Variants in IREB2 observed in about 807,000 individuals in gnomAD.
The protein encoded by IREB2 is iron-responsive element-binding protein 2.
Under a neutral mutation model 118.8 loss-of-function variants are expected in IREB2, and 39 were observed. The ratio of observed to expected loss-of-function variants is 0.33; its 90% CI spans 0.25 to 0.43. The LOEUF (loss-of-function observed/expected upper bound fraction) is 0.43, where lower values mean the gene tolerates loss of function less well. Among genes scored for constraint, IREB2 ranks in the 20% least tolerant of loss-of-function variants. IREB2 has a pLI of 1.00. For synonymous variants in IREB2, 372 were observed against 392.2 expected, an observed-to-expected ratio of 0.95 and a Z score of 0.61; for missense variants, 900 against 1,147.3, an observed-to-expected ratio of 0.78 and a Z score of 3.11.
At chr15:78,468,059 G>A (rs1415368711) in intron 5 of IREB2, among the ~76,000 whole-genome samples, 2 of 152,042 alleles carry the variant, frequency 1.3e-5, no homozygotes, top group African/African-American at 4.8e-5. Flanking sequence ...TCACTGTGTT[G>A]CCCAGACTGG....
At chr15:78,451,948 C>T (rs958802095) in intron 2 of IREB2, among the ~76,000 whole-genome samples, 1 of 152,144 alleles carries the variant, frequency 6.6e-6, no homozygotes, top group Non-Finnish European at 1.5e-5. Flanking sequence ...CAGGAGTGAG[C>T]CACCACACCT....
At chr15:78,493,269 C>G (rs1250679907) in intron 18 of IREB2, among the ~76,000 whole-genome samples, 1 of 152,118 alleles carries the variant, frequency 6.6e-6, no homozygotes, top group Non-Finnish European at 1.5e-5. Flanking sequence ...AGATGTGGGA[C>G]TGGTTCCAGG....
chr15:78,487,847 A>G (rs762766334), intron 14 of IREB2, 30 bp downstream of exon 14: 13 of 1,286,548 alleles, frequency 1.0e-5, no homozygotes, highest in East Asian at 9.3e-5. Context: ...AAGACATCTA[A>G]ATGATTTTCT....
chr15:78,460,758 A>G (rs534965761), intron 2 of IREB2, among the ~76,000 whole-genome samples: 1 of 152,314 alleles, frequency 6.6e-6, no homozygotes, highest in East Asian at 1.9e-4. Flanking sequence ...GAGAAAAATA[A>G]ATCATGAGTT....
In IREB2 at chr15:78,444,555, C is replaced by G. The variant is rs1052703218; in HGVS notation, c.106+4674C>G. ...GCTTAGTCCTCCAGTAGAGCCGGGA[C>G]TTAGTGTCCAAATCCTACCTTGCAG... On this transcript the variant is annotated intron_variant, in intron 2 of 21. Coordinates refer to ENST00000258886, the MANE Select transcript of IREB2 (RefSeq NM_004136.4). Among the ~76,000 whole-genome samples the G allele has an allele frequency of 2.0e-5, 3 of 152,022 alleles. No individual in the cohort carries two copies. In the South Asian group the frequency reaches 6.2e-4, roughly 32 times the overall value.
chr15:78,437,974 C>T (rs2050777841), upstream of IREB2, among the ~76,000 whole-genome samples: 1 of 152,228 alleles, frequency 6.6e-6, no homozygotes, highest in African/African-American at 2.4e-5. Flanking sequence ...AACTTAAGGC[C>T]GCAACTAAGT....
rs140718808 is a variant in IREB2, at chr15:78,472,179, T to C, written c.883+255T>C. 4.8e-4 allele frequency among the ~76,000 whole-genome samples: 73 copies of C among 152,330 alleles called. 2 individuals carry two copies. In the East Asian group the frequency reaches 0.014, roughly 28 times the overall value. On this transcript the variant is annotated intron_variant, in intron 7 of 21. Transcript: ENST00000258886. ...AAGTAATTGAATAATTGAATGATGATGATGATACGTCTACAAAGTTTGCTT... is the reference window on the plus strand; with the variant it reads ...AAGTAATTGAATAATTGAATGATGACGATGATACGTCTACAAAGTTTGCTT...
rs1318383757 is a variant in IREB2 at position 78,465,348 on chromosome 15, C to A, written c.370C>A (p.Leu124Ile). 2.5e-6 allele frequency: 4 copies of A among 1,613,460 alleles called. No homozygotes were observed. The highest frequency in any genetic ancestry group is 3.4e-6 in the Non-Finnish European group (4 of 1,179,736). The change falls in exon 4 of 22, where the codon CTT becomes ATT. Residue 124 changes from leucine (L) to isoleucine (I), a missense_variant. Physicochemically the swap from Leu to Ile is conservative, Grantham distance 5. Transcript: ENST00000258886. ...EKVHPACPTD[L>I]TVDHSLQIDF... ...AGTCCATCCTGCTTGTCCGACAGAT[C>A]TTACAGTTGACCATTCTTTACAAAT...
intron 13 of IREB2, among the ~76,000 whole-genome samples, 160 bp from the exon 14 acceptor site, chr15:78,487,573 C>G (rs1167027950): frequency 6.6e-6 from 1 of 152,168 alleles, no homozygotes; most frequent in East Asian, 1.9e-4. Context: ...CTTGATTGCT[C>G]AGAATCTTCT....
Position 78,438,218 on chromosome 15 carries a change from G to A in IREB2, c.-120G>A. ...TGCTGCTCTCGCGATATTTGCGCGA[G>A]CCTGCTTCCTTCTTTCCTCCCTTGC... On this transcript the variant is annotated 5_prime_UTR_variant, in exon 1 of 22. Transcript: ENST00000258886. 1 of 783,332 alleles carries A rather than the reference G, an allele frequency of 1.3e-6. No individual in the cohort carries two copies. The highest frequency in any genetic ancestry group is 1.5e-5 in the South Asian group (1 of 66,594). The allele number at this position is 783,332 out of a possible 1,614,324, so 48.5% of individuals were successfully genotyped here. A position where few individuals can be genotyped will look rare whatever the true frequency, so the allele number is the denominator to read the frequency against.
At position 78,487,784 on chromosome 15, in the gene IREB2, C is replaced by T; in HGVS notation, c.1761C>T (p.Pro587=). The change falls in exon 14 of 22, where the codon CCC becomes CCT. Residue 587 remains proline (P), a synonymous_variant. Coordinates refer to ENST00000258886, the MANE Select transcript of IREB2 (RefSeq NM_004136.4). ...CAATTTGTGTGGGAAATACAGCACC[C>T]TTATCAGACGCAGTTTTAAATGCAG... The part of the protein sequence containing the change: ...GCSICVGNTA[P]LSDAVLNAVK... The T allele has an allele frequency of 1.9e-6, 3 of 1,607,976 alleles. No individual in the cohort carries two copies. Among genetic ancestry groups the T allele is most frequent in the East Asian group, 2.2e-5 (1 of 44,798 alleles).
chr15:78,439,695 A>T (rs1379492180), intron 1 of IREB2, 100 bp from the exon 2 acceptor site: 18 of 671,866 alleles, frequency 2.7e-5, no homozygotes. Flanking sequence ...TATTTTTACC[A>T]TTGCAGAAAA....
intron 2 of IREB2, among the ~76,000 whole-genome samples, chr15:78,443,991 C>G (rs2050886962): frequency 6.6e-6 from 1 of 152,080 alleles, no homozygotes; most frequent in Non-Finnish European, 1.5e-5. Context: ...CTGTCTGGCA[C>G]TCCCAATGTG....
chr15:78,486,358 G>C (rs981598671), intron 13 of IREB2, among the ~76,000 whole-genome samples: 5 of 152,172 alleles, frequency 3.3e-5, no homozygotes, highest in African/African-American at 1.2e-4. Flanking sequence ...TGTAATCCCA[G>C]CACTTGGGGA....
intron 8 of IREB2, 149 bp downstream of exon 8, chr15:78,473,530 CAACA>C: frequency 3.2e-6 from 2 of 618,570 alleles, no homozygotes; most frequent in South Asian, 4.1e-5. Flanking sequence ...ATAGTAATAA[CAACA>C]AACAGAGCAT....
At chr15:78,472,055 C>A in intron 7 of IREB2, 131 bp downstream of exon 7, 1 of 607,560 alleles carries the variant, frequency 1.6e-6, no homozygotes, top group Admixed American at 3.6e-5. Flanking sequence ...ATAACAGCAG[C>A]AACAACAAAA....
intron 5 of IREB2, among the ~76,000 whole-genome samples, chr15:78,469,514 G>C (rs527731365): frequency 2.6e-5 from 4 of 151,816 alleles, no homozygotes; most frequent in African/African-American, 9.7e-5. Context: ...ACCTGAGATC[G>C]GGAGTTTGAG....
intron 20 of IREB2, among the ~76,000 whole-genome samples, chr15:78,496,163 GTCTTCTA>G (rs1351587604): frequency 6.6e-6 from 1 of 152,150 alleles, no homozygotes; most frequent in African/African-American, 2.4e-5. Flanking sequence ...TTTCAGCATT[GTCTTCTA>G]AATCACTTAC....
At chr15:78,458,247 A>T (rs1440032140) in intron 2 of IREB2, among the ~76,000 whole-genome samples, 1 of 152,186 alleles carries the variant, frequency 6.6e-6, no homozygotes, top group Non-Finnish European at 1.5e-5. Context: ...AAAGTAGGGA[A>T]ATACACAACA....
Sources: allele counts gnomAD v4.1 joint callset (sites outside exome capture counted in the v4.1 genomes callset), GRCh38; gene constraint gnomAD v4.1.1; transcripts MANE v1.5; gene names NCBI Gene and HGNC (gene_info 2026-07-23, HGNC 2026-07-21).